The following ABTB3 variants were observed in gnomAD, a reference collection of about 807,000 sequenced individuals.
ABTB3 encodes ankyrin repeat and BTB domain containing 3, also known as ankyrin repeat- and BTB/POZ domain-containing protein 3.
At chr12:107,358,442 G>A in the ABTB3 span, among the ~76,000 whole-genome samples, 1 of 152,200 alleles carries the variant, frequency 6.6e-6, no homozygotes, top group Non-Finnish European at 1.5e-5. Context: ...GCCTGCTGGA[G>A]TGCATTGCGG....
chr12:107,544,202 C>A, the ABTB3 span: 811 of 1,528,894 alleles, frequency 5.3e-4, no homozygotes, highest in Middle Eastern at 1.4e-3. Context: ...GGGCAAGTGT[C>A]CAGGATGGGG....
At chr12:107,395,847 G>A in the ABTB3 span, among the ~76,000 whole-genome samples, 1 of 152,226 alleles carries the variant, frequency 6.6e-6, no homozygotes, top group African/African-American at 2.4e-5. Flanking sequence ...ATGAGTAATT[G>A]GCAGAAGGCA....
At chr12:107,557,294 G>A in the ABTB3 span, among the ~76,000 whole-genome samples, 2 of 151,442 alleles carry the variant, frequency 1.3e-5, no homozygotes, top group South Asian at 4.2e-4. Context: ...TTACTCTACC[G>A]AATACTGTAG....
the ABTB3 span, among the ~76,000 whole-genome samples, chr12:107,552,395 T>C: frequency 1.3e-5 from 2 of 152,258 alleles, no homozygotes; most frequent in African/African-American, 4.8e-5. Context: ...GAAGGAACTT[T>C]GAATGACTCC....
chr12:107,604,953 G>A, the ABTB3 span, among the ~76,000 whole-genome samples: 15 of 152,318 alleles, frequency 9.8e-5, no homozygotes, highest in Admixed American at 3.3e-4. Context: ...AGGAAATCCT[G>A]TCATTTGTGA....
the ABTB3 span, among the ~76,000 whole-genome samples, chr12:107,578,374 T>TTTC: frequency 2.8e-5 from 4 of 143,948 alleles, no homozygotes; most frequent in East Asian, 2.1e-4. Flanking sequence ...AGCCTTTTTC[T>TTTC]TTCTTCTTCT....
chr12:107,354,652 G>A, the ABTB3 span, among the ~76,000 whole-genome samples: 1 of 152,110 alleles, frequency 6.6e-6, no homozygotes, highest in African/African-American at 2.4e-5. Flanking sequence ...TCAATTGCTG[G>A]ACATTTGGGT....
chr12:107,593,143 A>G, the ABTB3 span, among the ~76,000 whole-genome samples: 1 of 152,204 alleles, frequency 6.6e-6, no homozygotes, highest in East Asian at 1.9e-4. Flanking sequence ...TTTACCATAG[A>G]GCAGGGGTGA....
At chr12:107,479,334 A>G in the ABTB3 span, among the ~76,000 whole-genome samples, 1 of 151,736 alleles carries the variant, frequency 6.6e-6, no homozygotes. Context: ...TTAGGGCACG[A>G]GGGTCTTTGG....
the ABTB3 span, among the ~76,000 whole-genome samples, chr12:107,450,119 A>G: frequency 6.6e-6 from 1 of 151,466 alleles, no homozygotes; most frequent in Non-Finnish European, 1.5e-5. Flanking sequence ...GCTCACAGAG[A>G]CTGGTAGGAA....
At chr12:107,324,965 G>A in the ABTB3 span, among the ~76,000 whole-genome samples, 3 of 152,154 alleles carry the variant, frequency 2.0e-5, no homozygotes, top group Non-Finnish European at 2.9e-5. Flanking sequence ...AAAAGAAGAT[G>A]TATTTTAAAA....
At chr12:107,489,920 CCAAA>C in the ABTB3 span, among the ~76,000 whole-genome samples, 1,304 of 151,010 alleles carry the variant, frequency 8.6e-3, 23 homozygotes, top group African/African-American at 0.026. Context: ...CCATGCATGG[CCAAA>C]CAAACAAACA....
chr12:107,381,578 A>G, the ABTB3 span, among the ~76,000 whole-genome samples: 4 of 152,354 alleles, frequency 2.6e-5, no homozygotes, highest in African/African-American at 9.6e-5. Flanking sequence ...AGGGCTGGGC[A>G]GTGTCAGGGA....
At chr12:107,578,799 T>C in the ABTB3 span, among the ~76,000 whole-genome samples, 1 of 152,216 alleles carries the variant, frequency 6.6e-6, no homozygotes, top group Non-Finnish European at 1.5e-5. Flanking sequence ...GCAGGCTGAT[T>C]CAGGCAGAAA....
At chr12:107,494,615 A>G in the ABTB3 span, among the ~76,000 whole-genome samples, 35 of 152,240 alleles carry the variant, frequency 2.3e-4, 1 homozygote, top group African/African-American at 8.2e-4. Flanking sequence ...AGCCTAAGCA[A>G]CCCTGCCTCT....
chr12:107,466,604 C>T, the ABTB3 span, among the ~76,000 whole-genome samples: 33 of 152,072 alleles, frequency 2.2e-4, no homozygotes, highest in African/African-American at 7.0e-4. Context: ...ACAGGGACTG[C>T]AAATGAGACC....
chr12:107,489,683 G>T, the ABTB3 span, among the ~76,000 whole-genome samples: 2 of 152,172 alleles, frequency 1.3e-5, no homozygotes, highest in African/African-American at 4.8e-5. Context: ...TCCCAAAGTG[G>T]AAGCAACCTA....
At chr12:107,612,958 G>A in the ABTB3 span, 1 of 1,219,420 alleles carries the variant, frequency 8.2e-7, no homozygotes, top group South Asian at 1.3e-5. Flanking sequence ...CCCAAGAGCT[G>A]CCACTGAGGG....
At chr12:107,592,030 G>A in the ABTB3 span, among the ~76,000 whole-genome samples, 3 of 152,180 alleles carry the variant, frequency 2.0e-5, no homozygotes, top group African/African-American at 7.2e-5. Flanking sequence ...CTAGGCCTTT[G>A]GGTTCATCTT....
Sources: gnomAD v4.1 joint callset for allele counts (sites outside exome capture counted in the v4.1 genomes callset) on GRCh38, gnomAD v4.1.1 for gene constraint, MANE v1.5 for transcripts, NCBI Gene and HGNC (gene_info 2026-07-23, HGNC 2026-07-21) for gene names.